Variants in NKAIN2 observed in about 807,000 individuals in gnomAD.
The protein encoded by NKAIN2 is sodium/potassium-transporting ATPase subunit beta-1-interacting protein 2.
A neutral mutation model predicts 32.6 loss-of-function variants in NKAIN2; 14 were observed. That is an observed-to-expected ratio of 0.43 (90% CI 0.28 to 0.67). The LOEUF (loss-of-function observed/expected upper bound fraction) is 0.67, where lower values mean the gene tolerates loss of function less well. Ranked by LOEUF, NKAIN2 falls within the 30% of genes least tolerant of loss-of-function variation. The pLI, the probability that NKAIN2 is intolerant of heterozygous loss-of-function variation, is 0.17. For synonymous variants in NKAIN2, 80 were observed against 87.2 expected, an observed-to-expected ratio of 0.92 and a Z score of 0.46; for missense variants, 198 against 258.3, an observed-to-expected ratio of 0.77 and a Z score of 1.60.
At chr6:124,613,032 G>T (rs904577196) in intron 3 of NKAIN2, among the ~76,000 whole-genome samples, 1 of 152,152 alleles carries the variant, frequency 6.6e-6, no homozygotes, top group Admixed American at 6.6e-5. Flanking sequence ...ATGCCAGCAG[G>T]ACTAGAATGT....
chr6:124,142,169 C>A (rs1582726725), intron 1 of NKAIN2, among the ~76,000 whole-genome samples: 1 of 152,082 alleles, frequency 6.6e-6, no homozygotes, highest in African/African-American at 2.4e-5. Context: ...TGGGAGGGGC[C>A]CTGAAATCCA....
intron 1 of NKAIN2, among the ~76,000 whole-genome samples, chr6:124,076,272 A>G (rs113879260): frequency 6.6e-6 from 1 of 152,310 alleles, no homozygotes; most frequent in African/African-American, 2.4e-5. Context: ...GTATTAAAAA[A>G]GTTGAGGCAG....
chr6:123,908,593 A>T (rs1309510599), intron 1 of NKAIN2, among the ~76,000 whole-genome samples: 1 of 152,204 alleles, frequency 6.6e-6, no homozygotes, highest in Non-Finnish European at 1.5e-5. Context: ...AACTTCTAAA[A>T]TTCAGAGTGG....
rs9321001 is a variant in NKAIN2, at chr6:124,596,663, GGTGTGTGTGTGT to G, written c.274-61496_274-61485del. 4.2e-3 allele frequency among the ~76,000 whole-genome samples: 604 copies of G among 142,568 alleles called. 2 individuals are homozygous for G. The highest frequency in any genetic ancestry group is 0.014 in the African/African-American group (529 of 38,568). The allele number at this position is 142,568 out of a possible 152,430, so 93.5% of individuals were successfully genotyped here. A position where few individuals can be genotyped will look rare whatever the true frequency, so the allele number is the denominator to read the frequency against. On this transcript the variant is annotated intron_variant, in intron 3 of 6. Coordinates refer to ENST00000368417, the MANE Select transcript of NKAIN2 (RefSeq NM_001040214.3). ...GAGAAACAGAACAAATAAACCATAG[GGTGTGTGTGTGT>G]GTGTGTGTGTGTGTGTGTGTGTGTG...
intron 2 of NKAIN2, among the ~76,000 whole-genome samples, chr6:124,299,674 A>T (rs1796219392): frequency 6.6e-6 from 1 of 152,178 alleles, no homozygotes; most frequent in African/African-American, 2.4e-5. Flanking sequence ...TTTCCCCTGA[A>T]GTATACATTA....
intron 3 of NKAIN2, among the ~76,000 whole-genome samples, chr6:124,482,860 C>G (rs1271248733): frequency 6.6e-6 from 1 of 152,144 alleles, no homozygotes; most frequent in Non-Finnish European, 1.5e-5. Flanking sequence ...GGTGGCTGGG[C>G]GCGGTGGCTC....
intron 3 of NKAIN2, among the ~76,000 whole-genome samples, chr6:124,611,220 A>G (rs190028457): frequency 1.9e-4 from 29 of 152,284 alleles, no homozygotes; most frequent in Non-Finnish European, 3.8e-4. Context: ...ATGTTAAAGC[A>G]TCAGGGTTAA....
intron 3 of NKAIN2, among the ~76,000 whole-genome samples, chr6:124,520,318 T>C (rs564402864): frequency 5.9e-5 from 9 of 152,320 alleles, no homozygotes; most frequent in Non-Finnish European, 1.3e-4. Context: ...TTGATTTAAA[T>C]GTTTTGTTTT....
intron 3 of NKAIN2, among the ~76,000 whole-genome samples, chr6:124,366,450 GA>G (rs558573056): frequency 0.029 from 4,227 of 146,646 alleles, 99 homozygotes; most frequent in Non-Finnish European, 0.042. Flanking sequence ...TCTTTTGACA[GA>G]AAAAAAAAAC....
chr6:124,073,288 C>T (rs987209994), intron 1 of NKAIN2, among the ~76,000 whole-genome samples: 4 of 152,202 alleles, frequency 2.6e-5, no homozygotes, highest in South Asian at 4.1e-4. Context: ...GAAGGGAGGC[C>T]GGCACAGCGT....
chr6:123,957,242 G>A (rs1200211988), intron 1 of NKAIN2, among the ~76,000 whole-genome samples: 1 of 152,148 alleles, frequency 6.6e-6, no homozygotes, highest in Non-Finnish European at 1.5e-5. Context: ...AATATTGTTA[G>A]TTAAAACACC....
chr6:124,737,060 G>A (rs1562355226), intron 4 of NKAIN2, among the ~76,000 whole-genome samples: 1 of 151,968 alleles, frequency 6.6e-6, no homozygotes, highest in South Asian at 2.1e-4. Flanking sequence ...ATGAGAGGAG[G>A]TCAAAGTTTC....
chr6:124,345,515 T>C (rs1798371380), intron 2 of NKAIN2, among the ~76,000 whole-genome samples: 1 of 152,088 alleles, frequency 6.6e-6, no homozygotes, highest in African/African-American at 2.4e-5. Flanking sequence ...TTTCAGATCC[T>C]GTTATTGGTC....
intron 1 of NKAIN2, among the ~76,000 whole-genome samples, chr6:124,150,557 T>C (rs1020947980): frequency 1.3e-5 from 2 of 152,186 alleles, no homozygotes; most frequent in Non-Finnish European, 2.9e-5. Context: ...TCCATTGTAA[T>C]GATGAATTAC....
intron 3 of NKAIN2, among the ~76,000 whole-genome samples, chr6:124,525,493 A>G (rs534106693): frequency 5.3e-5 from 8 of 152,174 alleles, no homozygotes; most frequent in Non-Finnish European, 1.0e-4. Context: ...GATTCTAACA[A>G]ATTCATAAGT....
intron 2 of NKAIN2, among the ~76,000 whole-genome samples, chr6:124,304,685 G>A (rs1005390206): frequency 7.9e-5 from 12 of 152,172 alleles, no homozygotes; most frequent in African/African-American, 2.9e-4. Flanking sequence ...GGAGGCCAAG[G>A]TGGGGGGATC....
intron 3 of NKAIN2, among the ~76,000 whole-genome samples, chr6:124,548,300 G>A (rs1250659016): frequency 1.3e-5 from 2 of 152,116 alleles, no homozygotes; most frequent in East Asian, 3.9e-4. Flanking sequence ...TATTAGCTAG[G>A]AAAATGTTTC....
intron 1 of NKAIN2, among the ~76,000 whole-genome samples, chr6:123,885,743 G>A (rs551173902): frequency 2.0e-5 from 3 of 152,072 alleles, no homozygotes; most frequent in Non-Finnish European, 4.4e-5. Context: ...TTCTAAAGTA[G>A]CCTGCCAATC....
intron 1 of NKAIN2, among the ~76,000 whole-genome samples, chr6:123,860,583 G>A (rs1241757687): frequency 1.3e-5 from 2 of 151,964 alleles, no homozygotes; most frequent in Non-Finnish European, 2.9e-5. Flanking sequence ...GCTAATTTTT[G>A]TATTACTTGT....
Sources: allele counts gnomAD v4.1 joint callset (sites outside exome capture counted in the v4.1 genomes callset), GRCh38; gene constraint gnomAD v4.1.1; transcripts MANE v1.5; gene names NCBI Gene and HGNC (gene_info 2026-07-23, HGNC 2026-07-21).